CGRRF1: variants seen among roughly 807,000 people sequenced by gnomAD.
CGRRF1 encodes the protein cell growth regulator with ring finger domain 1.
CGRRF1 carries 32 observed loss-of-function variants against 37.2 expected under a neutral mutation model. The ratio of observed to expected loss-of-function variants is 0.86; its 90% CI spans 0.65 to 1.16. The LOEUF (loss-of-function observed/expected upper bound fraction) is 1.16. CGRRF1 is among the 50% of genes most tolerant of loss of function. CGRRF1 has a pLI of 0.00. For missense variants in CGRRF1, 391 were observed against 382.6 expected, an observed-to-expected ratio of 1.02 and a Z score of -0.18; for synonymous variants, 141 against 140.3, an observed-to-expected ratio of 1.00 and a Z score of -0.04.
At chr14:54,520,539 T>C (rs968638927) in intron 1 of CGRRF1, among the ~76,000 whole-genome samples, 3 of 151,724 alleles carry the variant, frequency 2.0e-5, no homozygotes, top group African/African-American at 7.3e-5. Flanking sequence ...AATTTTCTTA[T>C]GCTCTTTCCC....
At chr14:54,526,049 A>C (rs2032405836) in intron 2 of CGRRF1, among the ~76,000 whole-genome samples, 1 of 151,968 alleles carries the variant, frequency 6.6e-6, no homozygotes, top group Non-Finnish European at 1.5e-5. Flanking sequence ...GTGAGCTGAG[A>C]TCATGCCACT....
chr14:54,528,751 A>C (rs1255552632), intron 2 of CGRRF1, among the ~76,000 whole-genome samples: 1 of 152,194 alleles, frequency 6.6e-6, no homozygotes, highest in African/African-American at 2.4e-5. Flanking sequence ...TGGAATCATA[A>C]AAATTTGAAA....
At chr14:54,524,507 C>G (rs2032379379) in intron 2 of CGRRF1, among the ~76,000 whole-genome samples, 1 of 151,582 alleles carries the variant, frequency 6.6e-6, no homozygotes, top group Admixed American at 6.6e-5. Flanking sequence ...TGCCTCAGCC[C>G]CCTGAGTAGC....
chr14:54,515,509 AGT>A (rs2032201108), intron 1 of CGRRF1, among the ~76,000 whole-genome samples: 1 of 152,136 alleles, frequency 6.6e-6, no homozygotes, highest in South Asian at 2.1e-4. Flanking sequence ...AGTTGTGGGG[AGT>A]ATTAGAATTT....
At chr14:54,510,094 G>T (rs1160640394) in intron 1 of CGRRF1, 31 bp downstream of exon 1, 2 of 1,523,534 alleles carry the variant, frequency 1.3e-6, no homozygotes, top group East Asian at 4.5e-5. Flanking sequence ...AGACGAAGGG[G>T]CGGATACCGC....
rs1252972591 is a variant in CGRRF1, at chr14:54,509,915, T to C, written c.-45T>C. The C allele has an allele frequency of 6.9e-7, 1 of 1,454,576 alleles. No individual in the cohort carries two copies. Among genetic ancestry groups the C allele is most frequent in the Non-Finnish European group, 9.7e-7 (1 of 1,035,836 alleles). 90.1% of individuals were successfully genotyped at this position (1,454,576 alleles called of 1,614,324 possible). On this transcript the variant is annotated 5_prime_UTR_variant, in exon 1 of 6. Transcript: ENST00000216420. Reference sequence around the variant, plus strand: ...CGGGCGGGGCTCAGCCGGGCTGGGCTGGGCTCCGCGGCTGGAGCCGGGCTC... The same window carrying C: ...CGGGCGGGGCTCAGCCGGGCTGGGCCGGGCTCCGCGGCTGGAGCCGGGCTC...
rs981305283 is a variant in CGRRF1, at chr14:54,538,870, A to C, written c.*487A>C. On this transcript the variant is annotated 3_prime_UTR_variant, in exon 6 of 6. Transcript: ENST00000216420. Reference sequence around the variant, plus strand: ...TCCTGAAATAACAGCTTTTATAAATATCCATCTGTTTGGTTTCTAATGTCC... The same window carrying C: ...TCCTGAAATAACAGCTTTTATAAATCTCCATCTGTTTGGTTTCTAATGTCC... 6.5e-6 allele frequency: 1 copy of C among 154,070 alleles called. No individual in the cohort carries two copies. Among genetic ancestry groups the C allele is most frequent in the Non-Finnish European group, 1.4e-5 (1 of 69,200 alleles). The allele number at this position is 154,070 out of a possible 1,614,324, so 9.5% of individuals were successfully genotyped here.
At chr14:54,525,684 A>T (rs1261206862) in intron 2 of CGRRF1, among the ~76,000 whole-genome samples, 1 of 152,242 alleles carries the variant, frequency 6.6e-6, no homozygotes, top group African/African-American at 2.4e-5. Flanking sequence ...TGTGACATTT[A>T]AAAAAGTTAT....
At chr14:54,523,826 G>A (rs1466009049) in intron 2 of CGRRF1, among the ~76,000 whole-genome samples, 1 of 152,190 alleles carries the variant, frequency 6.6e-6, no homozygotes, top group Admixed American at 6.5e-5. Flanking sequence ...TAGAAATAAA[G>A]AGTAGGCAGT....
chr14:54,510,006 T>G lies in CGRRF1; in HGVS notation c.47T>G (p.Phe16Cys). Residue 16 changes from phenylalanine to cysteine, a missense_variant, in exon 1 of 6, where the codon TTC becomes TGC. By Grantham distance (205) the Phe-to-Cys change is radical (BLOSUM62 -2). Transcript: ENST00000216420. ...ACGCTTTATGAATACTCGCCGCTTT[T>G]CTACATCGCGGTGGTCTTTACCTGC... ...LVTLYEYSPL[F>C]YIAVVFTCFI... 2 of 1,614,032 alleles carry G rather than the reference T, an allele frequency of 1.2e-6. No individual in the cohort carries two copies. Among genetic ancestry groups the G allele is most frequent in the African/African-American group, 1.3e-5 (1 of 75,062 alleles).
At chr14:54,515,600 A>C (rs1280344217) in intron 1 of CGRRF1, among the ~76,000 whole-genome samples, 3 of 152,172 alleles carry the variant, frequency 2.0e-5, no homozygotes, top group African/African-American at 7.2e-5. Flanking sequence ...TTCTATTAAT[A>C]GGTACATAAA....
chr14:54,535,674 A>AT (rs1374807357), intron 4 of CGRRF1, among the ~76,000 whole-genome samples: 3 of 151,990 alleles, frequency 2.0e-5, no homozygotes, highest in Non-Finnish European at 2.9e-5. Flanking sequence ...ATTAAAAAAA[A>AT]TTTTTTTGTC....
chr14:54,513,466 G>A (rs140326981), intron 1 of CGRRF1, among the ~76,000 whole-genome samples: 93 of 152,304 alleles, frequency 6.1e-4, no homozygotes, highest in East Asian at 4.0e-3. Context: ...TCTTCAAAGC[G>A]TTAGATCGGT....
chr14:54,527,691 AG>A (rs1187855461), intron 2 of CGRRF1, among the ~76,000 whole-genome samples: 1 of 150,998 alleles, frequency 6.6e-6, no homozygotes, highest in African/African-American at 2.5e-5. Context: ...GCAAATAAAC[AG>A]GGTAGTTTTA....
At chr14:54,532,902 T>C (rs1235670710) in intron 4 of CGRRF1, among the ~76,000 whole-genome samples, 1 of 152,052 alleles carries the variant, frequency 6.6e-6, no homozygotes, top group African/African-American at 2.4e-5. Context: ...TCTTTGTTCT[T>C]GACCCTGTGT....
At chr14:54,531,765 T>C (rs1183080356) in intron 4 of CGRRF1, among the ~76,000 whole-genome samples, 1 of 152,158 alleles carries the variant, frequency 6.6e-6, no homozygotes, top group African/African-American at 2.4e-5. Flanking sequence ...TAAAAGTATC[T>C]TAGAGATCTA....
rs141568746 is a variant in CGRRF1, at chr14:54,520,868, T to C, written c.105-1586T>C. Among the ~76,000 whole-genome samples, 133 of 152,276 alleles carry C rather than the reference T, an allele frequency of 8.7e-4. 1 individual carries two copies. The East Asian group carries it at 0.024, about 27-fold the overall frequency. On this transcript the variant is annotated intron_variant, in intron 1 of 5. Coordinates refer to ENST00000216420, the MANE Select transcript of CGRRF1 (RefSeq NM_006568.3). ...GTATCTGTGGGGTCTTTTTAATTTTTCTTTTTCTTTTTTATCTATCACTGA... is the reference window on the plus strand; with the variant it reads ...GTATCTGTGGGGTCTTTTTAATTTTCCTTTTTCTTTTTTATCTATCACTGA...
rs764789300 is a variant in CGRRF1 at position 54,509,956 on chromosome 14, C to G, written c.-4C>G. The G allele has an allele frequency of 2.4e-5, 38 of 1,609,866 alleles. No homozygotes were observed. In the East Asian group the frequency reaches 6.2e-4, roughly 26 times the overall value. ...AGCCGGGCTCTACCCAGAGCAAGAC[C>G]CTGATGGCTGCGGTGTTTCTGGTAA... On this transcript the variant is annotated 5_prime_UTR_variant, in exon 1 of 6. Coordinates refer to ENST00000216420, the MANE Select transcript of CGRRF1 (RefSeq NM_006568.3).
intron 1 of CGRRF1, among the ~76,000 whole-genome samples, chr14:54,511,371 C>T (rs1409721288): frequency 6.6e-6 from 1 of 152,160 alleles, no homozygotes; most frequent in South Asian, 2.1e-4. Flanking sequence ...ATTGGTTATT[C>T]TTGACCCATC....
Sources: allele counts gnomAD v4.1 joint callset (sites outside exome capture counted in the v4.1 genomes callset), GRCh38; gene constraint gnomAD v4.1.1; transcripts MANE v1.5; gene names NCBI Gene and HGNC (gene_info 2026-07-23, HGNC 2026-07-21).